Variants in FAF1 observed in about 807,000 individuals in gnomAD.
The protein encoded by FAF1 is FAS-associated factor 1.
In FAF1, 25 loss-of-function variants were observed where a neutral mutation model predicts 92.5. The ratio of observed to expected loss-of-function variants is 0.27; its 90% CI spans 0.20 to 0.38. The LOEUF (loss-of-function observed/expected upper bound fraction) is 0.38. Ranked by LOEUF, FAF1 falls within the 10% of genes least tolerant of loss-of-function variation. FAF1 has a pLI of 1.00. For missense variants in FAF1, 636 were observed against 793.3 expected (o/e 0.80, Z 2.38); for synonymous variants, 234 against 273.2 (o/e 0.86, Z 1.42).
At chr1:50,948,016 C>T (rs1645184304) in intron 1 of FAF1, among the ~76,000 whole-genome samples, 1 of 151,780 alleles carries the variant, frequency 6.6e-6, no homozygotes, top group Non-Finnish European at 1.5e-5. Context: ...GAGAAAGAAA[C>T]ATGTAAATTG....
chr1:50,907,222 G>T (rs981008816), intron 1 of FAF1, among the ~76,000 whole-genome samples: 1 of 152,220 alleles, frequency 6.6e-6, no homozygotes, highest in African/African-American at 2.4e-5. Context: ...GCATCCTACG[G>T]ATGAAGACAA....
intron 1 of FAF1, among the ~76,000 whole-genome samples, chr1:50,861,436 G>A (rs1644431759): frequency 1.3e-5 from 2 of 151,756 alleles, no homozygotes; most frequent in African/African-American, 4.8e-5. Flanking sequence ...ATTATCCTTA[G>A]TGAAATGACC....
intron 12 of FAF1, among the ~76,000 whole-genome samples, chr1:50,576,726 T>C (rs1379409903): frequency 1.3e-5 from 2 of 149,242 alleles, no homozygotes; most frequent in East Asian, 4.1e-4. Flanking sequence ...CACTGCAGGC[T>C]AGACCTTCTG....
At chr1:50,891,180 G>C (rs1644716729) in intron 1 of FAF1, among the ~76,000 whole-genome samples, 1 of 152,148 alleles carries the variant, frequency 6.6e-6, no homozygotes, top group African/African-American at 2.4e-5. Context: ...CATGTGTCAT[G>C]TAGTTCTTGT....
chr1:50,574,909 T>G (rs916181570), intron 12 of FAF1, among the ~76,000 whole-genome samples: 1 of 130,424 alleles, frequency 7.7e-6, no homozygotes, highest in South Asian at 2.8e-4. Flanking sequence ...TTTTTTTTTT[T>G]TTTTTTTTTT....
chr1:50,921,723 G>A (rs1367098238), intron 1 of FAF1, among the ~76,000 whole-genome samples: 1 of 151,920 alleles, frequency 6.6e-6, no homozygotes, highest in Non-Finnish European at 1.5e-5. Context: ...GAGGCATGCA[G>A]TAAGCCAAGA....
chr1:50,724,276 T>TACACAC (rs1281878722), intron 6 of FAF1, among the ~76,000 whole-genome samples: 139 of 114,850 alleles, frequency 1.2e-3, no homozygotes, highest in African/African-American at 4.3e-3. Context: ...TATATACATA[T>TACACAC]ACACACACAC....
At chr1:50,829,848 G>A (rs930060726) in intron 2 of FAF1, among the ~76,000 whole-genome samples, 2 of 152,186 alleles carry the variant, frequency 1.3e-5, no homozygotes, top group African/African-American at 4.8e-5. Context: ...CAAGTGAGAA[G>A]AATAAGAAAA....
chr1:50,537,751 C>G (rs190932404), intron 14 of FAF1, among the ~76,000 whole-genome samples: 2 of 151,926 alleles, frequency 1.3e-5, no homozygotes, highest in Non-Finnish European at 2.9e-5. Flanking sequence ...ATTCTGTATT[C>G]TCGTACCTAC....
intron 7 of FAF1, among the ~76,000 whole-genome samples, chr1:50,661,864 CTT>C (rs149126847): frequency 0.066 from 10,055 of 152,180 alleles, 410 homozygotes; most frequent in East Asian, 0.09. Context: ...TTCTTTTCCT[CTT>C]GTTTTTAAAA....
chr1:50,463,800 C>T (rs868092624), intron 18 of FAF1, among the ~76,000 whole-genome samples: 2 of 152,144 alleles, frequency 1.3e-5, no homozygotes, highest in Non-Finnish European at 2.9e-5. Flanking sequence ...ACTTTCACAT[C>T]GGAGATCCAC....
At chr1:50,732,343 G>A (rs1658963278) in intron 6 of FAF1, among the ~76,000 whole-genome samples, 1 of 152,102 alleles carries the variant, frequency 6.6e-6, no homozygotes, top group Admixed American at 6.5e-5. Context: ...CCAAAGTGCT[G>A]GGATTATAGG....
chr1:50,525,700 C>T (rs1557981372), intron 15 of FAF1, among the ~76,000 whole-genome samples: 1 of 152,048 alleles, frequency 6.6e-6, no homozygotes, highest in South Asian at 2.1e-4. Context: ...CATATGTGGG[C>T]TTTATTATGC....
chr1:50,768,739 G>C (rs1051318829), intron 4 of FAF1, among the ~76,000 whole-genome samples: 7 of 152,046 alleles, frequency 4.6e-5, no homozygotes, highest in Non-Finnish European at 4.4e-5. Context: ...AAACTAATGA[G>C]ATCAAAGATG....
rs571024657 is a variant in FAF1, at chr1:50,446,521, C to A, written c.1870-4998G>T. Among the ~76,000 whole-genome samples the A allele has an allele frequency of 6.6e-5, 10 of 152,240 alleles. No individual in the cohort carries two copies. In the South Asian group the frequency reaches 2.1e-3, roughly 32 times the overall value. On this transcript the variant is annotated intron_variant, in intron 18 of 18. Transcript: ENST00000396153. ...AATCCAAAACATTTCTGGTCCCATGCACTTCAGATAAGGGATACTCCACCT... is the reference window on the plus strand; with the variant it reads ...AATCCAAAACATTTCTGGTCCCATGAACTTCAGATAAGGGATACTCCACCT...
At chr1:50,710,862 A>G (rs1657893971) in intron 6 of FAF1, among the ~76,000 whole-genome samples, 2 of 150,830 alleles carry the variant, frequency 1.3e-5, no homozygotes, top group South Asian at 4.2e-4. Flanking sequence ...TCAGCCTCCC[A>G]AAGTGCTGGG....
chr1:50,699,232 C>A (rs907755412), intron 7 of FAF1, among the ~76,000 whole-genome samples: 6 of 152,016 alleles, frequency 3.9e-5, no homozygotes, highest in Admixed American at 2.6e-4. Context: ...GTATCCTAAC[C>A]CACATAGTTT....
intron 15 of FAF1, among the ~76,000 whole-genome samples, chr1:50,494,546 A>G (rs1646876724): frequency 6.6e-6 from 1 of 152,212 alleles, no homozygotes; most frequent in Admixed American, 6.5e-5. Context: ...CTTGTCATTC[A>G]AACACTCCTT....
intron 3 of FAF1, among the ~76,000 whole-genome samples, chr1:50,789,444 T>C (rs1420967102): frequency 6.6e-6 from 1 of 152,190 alleles, no homozygotes; most frequent in Middle Eastern, 3.2e-3. Flanking sequence ...ACTCCTAGTA[T>C]CAACTCAATC....
Sources: gnomAD v4.1 joint callset for allele counts (sites outside exome capture counted in the v4.1 genomes callset) on GRCh38, gnomAD v4.1.1 for gene constraint, MANE v1.5 for transcripts, NCBI Gene and HGNC (gene_info 2026-07-23, HGNC 2026-07-21) for gene names.